UBE2E2: variants seen among roughly 807,000 people sequenced by gnomAD.
UBE2E2 encodes the protein ubiquitin conjugating enzyme E2 E2.
UBE2E2 carries 6 observed loss-of-function variants against 24.7 expected under a neutral mutation model. That is an observed-to-expected ratio of 0.24 (90% CI 0.13 to 0.48). The LOEUF (loss-of-function observed/expected upper bound fraction) is 0.48, where lower values mean the gene tolerates loss of function less well. Among genes scored for constraint, UBE2E2 ranks in the 20% least tolerant of loss-of-function variants. UBE2E2 has a pLI of 0.99. For synonymous variants in UBE2E2, 104 were observed against 83.6 expected (o/e 1.24, Z -1.33); for missense variants, 169 against 245.0 (o/e 0.69, Z 2.07).
At chr3:23,239,195 T>C (rs1697193643) in intron 3 of UBE2E2, among the ~76,000 whole-genome samples, 1 of 152,144 alleles carries the variant, frequency 6.6e-6, no homozygotes, top group South Asian at 2.1e-4. Flanking sequence ...TAGTGATCAA[T>C]TATGGAACTA....
chr3:23,409,191 A>G (rs1179052946), intron 3 of UBE2E2, among the ~76,000 whole-genome samples: 1 of 152,170 alleles, frequency 6.6e-6, no homozygotes, highest in African/African-American at 2.4e-5. Flanking sequence ...TAGATAGACA[A>G]CTGTGAAAAG....
intron 3 of UBE2E2, among the ~76,000 whole-genome samples, chr3:23,317,915 G>A (rs920424499): frequency 3.3e-5 from 5 of 151,512 alleles, no homozygotes; most frequent in African/African-American, 4.9e-5. Flanking sequence ...TACTGTGATC[G>A]CTCACCTGAT....
intron 3 of UBE2E2, among the ~76,000 whole-genome samples, chr3:23,457,156 G>A (rs1170488798): frequency 6.6e-6 from 1 of 152,178 alleles, no homozygotes; most frequent in Non-Finnish European, 1.5e-5. Context: ...AGCAGTCCCT[G>A]ATGATGCTTC....
At position 23,589,722 on chromosome 3, in the gene UBE2E2, C is replaced by A. The variant is rs1696718203; in HGVS notation, c.509-12C>A. The stretch of plus-strand genomic sequence containing the variant: ...TGGTATTTACTGACTCCCAACTCTG[C>A]TTTCCTTGCAGCTGACCCTCTGGTG... On this transcript the variant is annotated splice_polypyrimidine_tract_variant and intron_variant, in intron 5 of 5. Coordinates refer to ENST00000396703, the MANE Select transcript of UBE2E2 (RefSeq NM_152653.4). This position sits in a 1 kb window ranked among gnomAD's most constrained non-coding sequence, Gnocchi z 4.1. The A allele has an allele frequency of 6.2e-7, 1 of 1,613,824 alleles. No individual in the cohort carries two copies. Among genetic ancestry groups the A allele is most frequent in the Non-Finnish European group, 8.5e-7 (1 of 1,179,768 alleles).
intron 3 of UBE2E2, among the ~76,000 whole-genome samples, chr3:23,219,234 T>A (rs1242825528): frequency 1.3e-5 from 2 of 152,178 alleles, no homozygotes; most frequent in African/African-American, 4.8e-5. Context: ...TTTACCTTCG[T>A]ATGGCACTCC....
chr3:23,435,898 G>A (rs77612790), intron 3 of UBE2E2, among the ~76,000 whole-genome samples: 3,404 of 152,210 alleles, frequency 0.022, 42 homozygotes, highest in Non-Finnish European at 0.034. Context: ...GTTATTCCAC[G>A]GCAGGGGCGG....
At chr3:23,375,834 A>G (rs541083898) in intron 3 of UBE2E2, among the ~76,000 whole-genome samples, 14 of 152,302 alleles carry the variant, frequency 9.2e-5, no homozygotes, top group African/African-American at 3.4e-4. Context: ...TGTTGCAGTT[A>G]TTACACCAGA....
intron 3 of UBE2E2, among the ~76,000 whole-genome samples, chr3:23,480,916 T>C (rs143358414): frequency 2.9e-4 from 44 of 152,352 alleles, no homozygotes; most frequent in African/African-American, 1.0e-3. Context: ...GAAACTGCCT[T>C]CTTTGATTTA....
intron 1 of UBE2E2, among the ~76,000 whole-genome samples, chr3:23,208,137 C>T (rs976469333): frequency 2.0e-5 from 3 of 152,016 alleles, no homozygotes; most frequent in African/African-American, 7.2e-5. Flanking sequence ...AGTCCCACTA[C>T]GTTGCCCAGG....
chr3:23,423,338 C>T (rs2125393360), intron 3 of UBE2E2, among the ~76,000 whole-genome samples: 1 of 152,176 alleles, frequency 6.6e-6, no homozygotes, highest in Non-Finnish European at 1.5e-5. Flanking sequence ...TTTCAAAAGT[C>T]CTTGAGTGGG....
chr3:23,375,572 GT>G (rs1207689227), intron 3 of UBE2E2, among the ~76,000 whole-genome samples: 2 of 152,098 alleles, frequency 1.3e-5, no homozygotes, highest in African/African-American at 2.4e-5. Context: ...TTTAGTAGAG[GT>G]TTTTTGTTTC....
At chr3:23,433,081 A>G (rs1698103029) in intron 3 of UBE2E2, among the ~76,000 whole-genome samples, 1 of 151,926 alleles carries the variant, frequency 6.6e-6, no homozygotes, top group Non-Finnish European at 1.5e-5. Context: ...AAAAATAAAT[A>G]TTACTTTTTG....
chr3:23,467,617 G>T (rs1255412337), intron 3 of UBE2E2, among the ~76,000 whole-genome samples: 2 of 152,068 alleles, frequency 1.3e-5, no homozygotes, highest in African/African-American at 4.8e-5. Context: ...GTAGCTCTTA[G>T]TTTTGTTTTT....
intron 3 of UBE2E2, among the ~76,000 whole-genome samples, chr3:23,242,212 A>G (rs1697278534): frequency 6.6e-6 from 1 of 152,140 alleles, no homozygotes; most frequent in Admixed American, 6.5e-5. Flanking sequence ...GATTATAGGC[A>G]TGAATCATCA....
rs1179395893 is a variant in UBE2E2 at position 23,284,965 on chromosome 3, AT to A, written c.227+67654del. ...ATAGCTTCTTGTTGGAAAAAAAAAT[AT>A]ATATATATATATTTATATATTTACC... On this transcript the variant is annotated intron_variant, in intron 3 of 5. Transcript: ENST00000396703. 6.3e-3 allele frequency among the ~76,000 whole-genome samples: 725 copies of A among 115,252 alleles called. 7 individuals carry two copies. The highest frequency in any genetic ancestry group is 0.027 in the African/African-American group (674 of 24,638). 75.6% of individuals were successfully genotyped at this position (115,252 alleles called of 152,430 possible).
intron 3 of UBE2E2, among the ~76,000 whole-genome samples, chr3:23,321,678 A>G (rs899804903): frequency 1.4e-5 from 2 of 147,802 alleles, no homozygotes; most frequent in Non-Finnish European, 3.0e-5. Flanking sequence ...ATGGCTTCCC[A>G]CTATTATGAC....
chr3:23,439,984 A>G (rs187011087), intron 3 of UBE2E2, among the ~76,000 whole-genome samples: 4,323 of 148,362 alleles, frequency 0.029, 95 homozygotes, highest in Non-Finnish European at 0.042. Context: ...TTAAAAAAAA[A>G]AAAGAGGCTG....
At chr3:23,361,692 G>A (rs1023921849) in intron 3 of UBE2E2, among the ~76,000 whole-genome samples, 5 of 152,210 alleles carry the variant, frequency 3.3e-5, no homozygotes, top group Admixed American at 2.0e-4. Context: ...GGAGCAGGGT[G>A]AGGGATGAGT....
intron 3 of UBE2E2, among the ~76,000 whole-genome samples, chr3:23,246,308 C>T (rs1451879184): frequency 6.7e-6 from 1 of 149,450 alleles, no homozygotes; most frequent in Non-Finnish European, 1.5e-5. Flanking sequence ...GCAAGCTCCG[C>T]CTCCCAGGTT....
Sources: gnomAD v4.1 joint callset for allele counts (sites outside exome capture counted in the v4.1 genomes callset) on GRCh38, gnomAD v4.1.1 for gene constraint, Gnocchi (gnomAD v3.1) non-coding constraint, MANE v1.5 for transcripts, NCBI Gene and HGNC (gene_info 2026-07-23, HGNC 2026-07-21) for gene names.